The following SFXN1 variants were observed in gnomAD, a reference collection of about 807,000 sequenced individuals.
SFXN1 encodes sideroflexin 1.
Under a neutral mutation model 39.5 loss-of-function variants are expected in SFXN1, and 32 were observed. The ratio of observed to expected loss-of-function variants is 0.81; its 90% CI spans 0.61 to 1.09. The LOEUF is 1.09. SFXN1 is among the 50% of genes least tolerant of loss of function. SFXN1 has a pLI of 0.00. For missense variants in SFXN1, 402 were observed against 407.1 expected (o/e 0.99, Z 0.11); for synonymous variants, 136 against 146.5 (o/e 0.93, Z 0.52).
intron 1 of SFXN1, among the ~76,000 whole-genome samples, chr5:175,488,186 A>G (rs1224553254): frequency 1.3e-5 from 2 of 152,148 alleles, no homozygotes; most frequent in Non-Finnish European, 2.9e-5. Context: ...CATAACCCAC[A>G]TCATCTGACT....
intron 5 of SFXN1, 56 bp downstream of exon 5, chr5:175,511,582 G>T: frequency 2.2e-6 from 3 of 1,368,986 alleles, no homozygotes; most frequent in Non-Finnish European, 2.1e-6. Flanking sequence ...CACCTGCCTG[G>T]CTCTAAATCC....
At chr5:175,484,556 AG>A (rs1452907635) in intron 1 of SFXN1, among the ~76,000 whole-genome samples, 1 of 152,240 alleles carries the variant, frequency 6.6e-6, no homozygotes, top group Non-Finnish European at 1.5e-5. Context: ...CGGGTGGAAA[AG>A]GGTGCACCCT....
In SFXN1 at chr5:175,522,364, T is replaced by A; in HGVS notation, c.825-11T>A. The A allele has an allele frequency of 6.4e-7, 1 of 1,559,564 alleles. No individual in the cohort carries two copies. The stretch of plus-strand genomic sequence containing the variant: ...TAAAATGGTCTGACTTTTTTTTGTA[T>A]TTTTTTTAAGTTTGGTGTTTGCTAC... On this transcript the variant is annotated splice_polypyrimidine_tract_variant and intron_variant, in intron 9 of 10. Transcript: ENST00000321442.
chr5:175,521,050 A>G (rs1760865031), intron 8 of SFXN1, among the ~76,000 whole-genome samples: 1 of 152,082 alleles, frequency 6.6e-6, no homozygotes, highest in Admixed American at 6.6e-5. Flanking sequence ...GTCTTCTAAC[A>G]GCTTGTGTTG....
In SFXN1 at chr5:175,511,414, C is replaced by A. The variant is rs756619626; in HGVS notation, c.435-37C>A. 1.3e-5 allele frequency: 19 copies of A among 1,518,866 alleles called. No individual in the cohort carries two copies. The South Asian group carries it at 1.9e-4, about 15-fold the overall frequency. The allele number at this position is 1,518,866 out of a possible 1,614,324, so 94.1% of individuals were successfully genotyped here. ...TGTTGCACCAGAGTTTCCTGACATG[C>A]CCTCGTCGTCCACACGATATCCTTT... On this transcript the variant is annotated intron_variant, in intron 4 of 10. Coordinates refer to ENST00000321442, the MANE Select transcript of SFXN1 (RefSeq NM_022754.7).
At chr5:175,480,388 A>C (rs185471954) in intron 1 of SFXN1, among the ~76,000 whole-genome samples, 80 of 151,768 alleles carry the variant, frequency 5.3e-4, no homozygotes, top group South Asian at 1.7e-3. Flanking sequence ...GCGACAGAGC[A>C]AGACTCCGTC....
intron 2 of SFXN1, chr5:175,492,509 G>A (rs1759697205): frequency 3.0e-6 from 1 of 338,656 alleles, no homozygotes; most frequent in African/African-American, 2.1e-5. Flanking sequence ...CTTAGTTGTA[G>A]ATACCAATCC....
At chr5:175,503,995 C>T (rs76552972) in intron 2 of SFXN1, among the ~76,000 whole-genome samples, 2 of 117,298 alleles carry the variant, frequency 1.7e-5, no homozygotes, top group Non-Finnish European at 3.4e-5. Flanking sequence ...AAGAGTGACA[C>T]TCCATCTCAA....
At chr5:175,509,975 TA>T in intron 3 of SFXN1, 133 bp from the exon 4 acceptor site, 1 of 674,106 alleles carries the variant, frequency 1.5e-6, no homozygotes, top group Non-Finnish European at 2.6e-6. Context: ...ACACAGATCC[TA>T]AGCCTGTGTG....
At chr5:175,507,977 A>ATAAAAAAT (rs57408993) in intron 2 of SFXN1, among the ~76,000 whole-genome samples, 1 of 148,352 alleles carries the variant, frequency 6.7e-6, no homozygotes, top group African/African-American at 2.5e-5. Context: ...TGTCTTTAAA[A>ATAAAAAAT]AAAAAAAAAA....
chr5:175,490,902 A>C (rs1759630146), intron 1 of SFXN1, among the ~76,000 whole-genome samples: 1 of 152,192 alleles, frequency 6.6e-6, no homozygotes, highest in African/African-American at 2.4e-5. Context: ...TAATTTTTTA[A>C]ATTGTATAAT....
intron 10 of SFXN1, chr5:175,524,188 C>G (rs1760990705): frequency 7.4e-6 from 1 of 135,280 alleles, no homozygotes; most frequent in African/African-American, 2.7e-5. Context: ...TAAGTTACAT[C>G]TTATAGGCTC....
At chr5:175,524,312 C>T (rs1052355602) in intron 10 of SFXN1, among the ~76,000 whole-genome samples, 3 of 151,286 alleles carry the variant, frequency 2.0e-5, no homozygotes, top group Non-Finnish European at 2.9e-5. Context: ...ACTTTTTAGA[C>T]AAGGGTGTCA....
intron 1 of SFXN1, among the ~76,000 whole-genome samples, chr5:175,483,126 T>C (rs1013436069): frequency 3.3e-4 from 51 of 152,376 alleles, no homozygotes; most frequent in African/African-American, 1.2e-3. Context: ...TTAAACAGTT[T>C]TTAATTTCTC....
intron 7 of SFXN1, 178 bp downstream of exon 7, chr5:175,513,768 A>T: frequency 1.6e-6 from 1 of 623,764 alleles, no homozygotes. Flanking sequence ...GATGAGGGCA[A>T]GGGGGCAATG....
At chr5:175,503,080 G>A (rs541510756) in intron 2 of SFXN1, among the ~76,000 whole-genome samples, 1 of 152,234 alleles carries the variant, frequency 6.6e-6, no homozygotes, top group South Asian at 2.1e-4. Context: ...AGGAAGTGAG[G>A]AAATAACTCC....
chr5:175,496,848 C>G (rs1759876607), intron 2 of SFXN1, among the ~76,000 whole-genome samples: 1 of 151,850 alleles, frequency 6.6e-6, no homozygotes, highest in Non-Finnish European at 1.5e-5. Flanking sequence ...AGGCCTGTTC[C>G]AAATTAGCTT....
At chr5:175,482,323 T>G (rs1321852157) in intron 1 of SFXN1, among the ~76,000 whole-genome samples, 1 of 152,216 alleles carries the variant, frequency 6.6e-6, no homozygotes, top group Non-Finnish European at 1.5e-5. Flanking sequence ...TTGGTACTCT[T>G]TAGCCAAGAT....
At chr5:175,494,183 G>C (rs1256113819) in intron 2 of SFXN1, among the ~76,000 whole-genome samples, 1 of 152,150 alleles carries the variant, frequency 6.6e-6, no homozygotes, top group Non-Finnish European at 1.5e-5. Context: ...TCTAATTAAA[G>C]AGACCTGCCC....
Sources: allele counts gnomAD v4.1 joint callset (sites outside exome capture counted in the v4.1 genomes callset), GRCh38; gene constraint gnomAD v4.1.1; transcripts MANE v1.5; gene names NCBI Gene and HGNC (gene_info 2026-07-23, HGNC 2026-07-21).